IGDCC3: variants seen among roughly 807,000 people sequenced by gnomAD.
The protein encoded by IGDCC3 is immunoglobulin superfamily DCC subclass member 3, also known as putative neuronal cell adhesion molecule.
IGDCC3 carries 47 observed loss-of-function variants against 72.0 expected under a neutral mutation model. The ratio of observed to expected loss-of-function variants is 0.65; its 90% confidence interval spans 0.52 to 0.83. The LOEUF (loss-of-function observed/expected upper bound fraction) is 0.83, where lower values mean the gene tolerates loss of function less well. Among genes scored for constraint, IGDCC3 ranks in the 40% least tolerant of loss-of-function variants. The probability of loss-of-function intolerance (pLI) is 0.00; values close to 1 mark genes in which losing one functional copy is unlikely to be tolerated. For missense variants in IGDCC3, 1,038 were observed against 1,091.3 expected (o/e 0.95, Z 0.69); for synonymous variants, 477 against 472.8 (o/e 1.01, Z -0.11).
At chr15:65,361,840 G>A (rs996402454) in intron 2 of IGDCC3, among the ~76,000 whole-genome samples, 11 of 152,196 alleles carry the variant, frequency 7.2e-5, no homozygotes, top group African/African-American at 2.4e-4. Flanking sequence ...CCTCGAGGAC[G>A]AGGCATCATT....
intron 2 of IGDCC3, among the ~76,000 whole-genome samples, chr15:65,343,949 C>T (rs900523962): frequency 6.6e-6 from 1 of 152,208 alleles, no homozygotes; most frequent in Admixed American, 6.5e-5. Flanking sequence ...CCCTTCCCAA[C>T]CCTCTGTCCC....
At chr15:65,346,463 C>CT (rs5813348) in intron 2 of IGDCC3, among the ~76,000 whole-genome samples, 63,595 of 148,876 alleles carry the variant, frequency 0.43, 13,819 homozygotes, top group African/African-American at 0.54. Context: ...AGACTCAGCT[C>CT]TTTTTTTTTT....
intron 2 of IGDCC3, among the ~76,000 whole-genome samples, chr15:65,371,808 C>G (rs1253675240): frequency 1.3e-5 from 2 of 152,206 alleles, no homozygotes; most frequent in African/African-American, 4.8e-5. Context: ...ACACAGGCCT[C>G]AGGTATGAGT....
At chr15:65,372,161 C>T (rs67418059) in intron 2 of IGDCC3, among the ~76,000 whole-genome samples, 13,566 of 152,214 alleles carry the variant, frequency 0.089, 886 homozygotes, top group Admixed American at 0.19. Context: ...TGCCGGCTCC[C>T]GTTACTCAGT....
chr15:65,357,552 T>C (rs2091232359), intron 2 of IGDCC3, among the ~76,000 whole-genome samples: 1 of 152,266 alleles, frequency 6.6e-6, no homozygotes, highest in African/African-American at 2.4e-5. Context: ...AATAAAAGAA[T>C]GGGCAACACT....
chr15:65,332,241 G>A lies in IGDCC3; in HGVS notation c.983-135C>T, dbSNP rs1429669006. The A allele has an allele frequency of 1.3e-5, 14 of 1,065,726 alleles. No homozygotes were observed. In the East Asian group the frequency reaches 3.2e-4, roughly 24 times the overall value. The allele number at this position is 1,065,726 out of a possible 1,614,324, so 66.0% of individuals were successfully genotyped here. A position where few individuals can be genotyped will look rare whatever the true frequency, so the allele number is the denominator to read the frequency against. On this transcript the variant is annotated intron_variant, in intron 6 of 13. Coordinates refer to ENST00000327987, the MANE Select transcript of IGDCC3 (RefSeq NM_004884.4). Reference sequence around the variant, plus strand: ...TCCAAACACACATCTGCCCCCTGGAGACTCCTCCAGGTGGGGCCCAGCCTC... The same window carrying A: ...TCCAAACACACATCTGCCCCCTGGAAACTCCTCCAGGTGGGGCCCAGCCTC...
chr15:65,363,813 C>A (rs1012484517), intron 2 of IGDCC3, among the ~76,000 whole-genome samples: 21 of 152,170 alleles, frequency 1.4e-4, no homozygotes, highest in African/African-American at 5.1e-4. Flanking sequence ...GGAAAGGGAG[C>A]AAAGAGGAGG....
intron 2 of IGDCC3, among the ~76,000 whole-genome samples, chr15:65,369,652 G>A (rs1006605988): frequency 1.8e-4 from 28 of 152,102 alleles, no homozygotes; most frequent in Admixed American, 1.4e-3. Context: ...TCAGTTAAGC[G>A]GGAGAAGAAC....
At chr15:65,359,381 C>A (rs543099677) in intron 2 of IGDCC3, among the ~76,000 whole-genome samples, 2 of 152,302 alleles carry the variant, frequency 1.3e-5, no homozygotes, top group Admixed American at 1.3e-4. Context: ...AGGGAAGAGG[C>A]ATGCTTCTTA....
chr15:65,351,359 T>C (rs942086633), intron 2 of IGDCC3, among the ~76,000 whole-genome samples: 28 of 152,106 alleles, frequency 1.8e-4, no homozygotes, highest in South Asian at 6.2e-4. Flanking sequence ...ACGGTGAAAC[T>C]CCATCTCTAC....
chr15:65,366,548 T>A (rs943842651), intron 2 of IGDCC3, among the ~76,000 whole-genome samples: 1 of 149,000 alleles, frequency 6.7e-6, no homozygotes, highest in Non-Finnish European at 1.5e-5. Context: ...CAGCAGGGGG[T>A]GGGGAGTGTC....
chr15:65,371,355 T>C (rs1183941760), intron 2 of IGDCC3, among the ~76,000 whole-genome samples: 1 of 151,060 alleles, frequency 6.6e-6, no homozygotes. Context: ...CCAAGGGCAC[T>C]GATCATTGAG....
chr15:65,330,944 G>T, intron 9 of IGDCC3, 106 bp downstream of exon 9: 2 of 1,358,282 alleles, frequency 1.5e-6, no homozygotes, highest in Non-Finnish European at 2.0e-6. Context: ...CAGCCTCAGG[G>T]CCGGGCACCC....
At position 65,368,165 on chromosome 15, in the gene IGDCC3, C is replaced by CTT. The variant is rs1375085398; in HGVS notation, c.409+6931_409+6932insAA. Among the ~76,000 whole-genome samples the CTT allele has an allele frequency of 9.4e-3, 157 of 16,776 alleles. 3 individuals carry two copies. The highest frequency in any genetic ancestry group is 0.061 in the East Asian group (114 of 1,874). 11.0% of individuals were successfully genotyped at this position (16,776 alleles called of 152,430 possible). A position where few individuals can be genotyped will look rare whatever the true frequency, so the allele number is the denominator to read the frequency against. On this transcript the variant is annotated intron_variant, in intron 2 of 13. Transcript: ENST00000327987. Reference sequence around the variant, plus strand: ...GAAAACTCTCTCTCTTTCACTCACACACACACACACACACACACACACACA... The same window carrying CTT: ...GAAAACTCTCTCTCTTTCACTCACACTTACACACACACACACACACACACACA...
chr15:65,352,567 C>A (rs2091181441), intron 2 of IGDCC3, among the ~76,000 whole-genome samples: 1 of 152,110 alleles, frequency 6.6e-6, no homozygotes, highest in Admixed American at 6.5e-5. Context: ...GGTCCAGGAG[C>A]CCCAAGTTAT....
Position 65,328,791 on chromosome 15 carries a change from G to C in IGDCC3, c.*118C>G. 1 of 1,302,976 alleles carries C rather than the reference G, an allele frequency of 7.7e-7. No individual in the cohort carries two copies. The highest frequency in any genetic ancestry group is 1.0e-6 in the Non-Finnish European group (1 of 984,014). 80.7% of individuals were successfully genotyped at this position (1,302,976 alleles called of 1,614,324 possible). On this transcript the variant is annotated 3_prime_UTR_variant, in exon 14 of 14. Coordinates refer to ENST00000327987, the MANE Select transcript of IGDCC3 (RefSeq NM_004884.4). ...TTTTGACAACCCAAGAGGCAGTCAG[G>C]ATAGAAATGCTGGGGAGCCCCCAGG...
At chr15:65,358,076 TA>T (rs2140162217) in intron 2 of IGDCC3, among the ~76,000 whole-genome samples, 1 of 151,184 alleles carries the variant, frequency 6.6e-6, no homozygotes, top group Non-Finnish European at 1.5e-5. Flanking sequence ...AAACAACAGC[TA>T]GTTAGTTAGT....
At chr15:65,341,963 C>T (rs1462893518) in intron 2 of IGDCC3, among the ~76,000 whole-genome samples, 2 of 152,200 alleles carry the variant, frequency 1.3e-5, no homozygotes, top group South Asian at 2.1e-4. Flanking sequence ...TTAGTAGAGA[C>T]GGAGTTTTGC....
At chr15:65,338,897 T>C (rs1404199205) in intron 2 of IGDCC3, among the ~76,000 whole-genome samples, 1 of 152,026 alleles carries the variant, frequency 6.6e-6, no homozygotes, top group African/African-American at 2.4e-5. Context: ...TAAGCAATAG[T>C]ATTTTTTCTT....
Sources: allele counts gnomAD v4.1 joint callset (sites outside exome capture counted in the v4.1 genomes callset), GRCh38; gene constraint gnomAD v4.1.1; transcripts MANE v1.5; gene names NCBI Gene and HGNC (gene_info 2026-07-23, HGNC 2026-07-21).